MBD5: variants seen among roughly 807,000 people sequenced by gnomAD.
MBD5 encodes methyl-CpG binding domain protein 5.
MBD5 carries 13 observed loss-of-function variants against 117.3 expected under a neutral mutation model. The observed-to-expected ratio is 0.11, with a 90% CI of 0.07 to 0.18. The LOEUF is 0.18. Ranked by LOEUF, MBD5 falls within the 10% of genes least tolerant of loss-of-function variation. The probability of loss-of-function intolerance (pLI) is 1.00; values close to 1 mark genes in which losing one functional copy is unlikely to be tolerated. For synonymous variants in MBD5, 727 were observed against 766.4 expected (o/e 0.95, Z 0.85); for missense variants, 1,879 against 2,093.8 (o/e 0.90, Z 2.00).
rs114732631 is a variant in MBD5 at position 148,408,983 on chromosome 2, T to C, written c.-556-49220T>C. Among the ~76,000 whole-genome samples the C allele has an allele frequency of 8.5e-3, 1,296 of 152,266 alleles. 23 individuals carry two copies. The highest frequency in any genetic ancestry group is 0.03 in the African/African-American group (1,249 of 41,554). On this transcript the variant is annotated intron_variant, in intron 4 of 13. Transcript: ENST00000642680. ...TAGGCAAATACTATGTAATTTTATG[T>C]CAGGGACTTGAGCAGCCATGGATTT...
At chr2:148,377,234 G>C (rs192558648) in intron 4 of MBD5, among the ~76,000 whole-genome samples, 107 of 152,156 alleles carry the variant, frequency 7.0e-4, no homozygotes, top group African/African-American at 2.4e-3. Flanking sequence ...AAGGATGTAG[G>C]CTGGGAGGCT....
At chr2:148,241,599 GC>G (rs550691275) in intron 3 of MBD5, among the ~76,000 whole-genome samples, 15 of 151,596 alleles carry the variant, frequency 9.9e-5, no homozygotes, top group Admixed American at 3.3e-4. Context: ...TCCTTTCTGG[GC>G]CCCCCCTCCC....
intron 1 of MBD5, among the ~76,000 whole-genome samples, chr2:148,073,530 A>C (rs1695415577): frequency 1.3e-5 from 2 of 152,184 alleles, no homozygotes; most frequent in Non-Finnish European, 2.9e-5. Flanking sequence ...GGATTATTTA[A>C]CTATATATGG....
chr2:148,482,241 G>C (rs987591276), intron 8 of MBD5, among the ~76,000 whole-genome samples: 1 of 152,036 alleles, frequency 6.6e-6, no homozygotes, highest in Non-Finnish European at 1.5e-5. Context: ...AGGTGAACTG[G>C]CAAAGAAGTG....
intron 3 of MBD5, among the ~76,000 whole-genome samples, chr2:148,235,616 C>G (rs1302293587): frequency 6.6e-6 from 1 of 152,064 alleles, no homozygotes; most frequent in Non-Finnish European, 1.5e-5. Flanking sequence ...ACAGGCATAC[C>G]TCAGAGATAT....
intron 3 of MBD5, among the ~76,000 whole-genome samples, chr2:148,287,007 T>G (rs1051740770): frequency 2.0e-5 from 3 of 152,204 alleles, no homozygotes; most frequent in African/African-American, 7.2e-5. Context: ...TTGCCCTTAT[T>G]GTTTAACTTT....
chr2:148,101,816 G>A (rs1305231279), intron 1 of MBD5, among the ~76,000 whole-genome samples: 4 of 152,044 alleles, frequency 2.6e-5, no homozygotes, highest in Non-Finnish European at 2.9e-5. Flanking sequence ...TTACACTTCT[G>A]TTTGTTTTGT....
chr2:148,170,479 ACTGT>A (rs1698238592), intron 1 of MBD5, among the ~76,000 whole-genome samples: 1 of 152,174 alleles, frequency 6.6e-6, no homozygotes, highest in South Asian at 2.1e-4. Context: ...TAATTCATTG[ACTGT>A]TTGATTTCTG....
chr2:148,272,554 A>T (rs1247211594), intron 3 of MBD5, among the ~76,000 whole-genome samples: 1 of 152,144 alleles, frequency 6.6e-6, no homozygotes, highest in Non-Finnish European at 1.5e-5. Flanking sequence ...GCATTTTTCC[A>T]TATACCTATT....
chr2:148,208,910 A>G (rs940442061), intron 2 of MBD5, among the ~76,000 whole-genome samples: 2 of 152,174 alleles, frequency 1.3e-5, no homozygotes, highest in Non-Finnish European at 2.9e-5. Flanking sequence ...AATTTATTTG[A>G]AGCAAATTGT....
At chr2:148,402,261 A>G (rs576150192) in intron 4 of MBD5, among the ~76,000 whole-genome samples, 1 of 152,232 alleles carries the variant, frequency 6.6e-6, no homozygotes, top group South Asian at 2.1e-4. Context: ...GCCTGCTATA[A>G]TTATTACTAG....
intron 4 of MBD5, among the ~76,000 whole-genome samples, chr2:148,452,234 A>T (rs1357872332): frequency 6.6e-6 from 1 of 152,166 alleles, no homozygotes; most frequent in African/African-American, 2.4e-5. Flanking sequence ...GGTGGCTCGC[A>T]CTTGTAATCC....
At chr2:148,325,541 A>G (rs1013984865) in intron 3 of MBD5, among the ~76,000 whole-genome samples, 4 of 152,158 alleles carry the variant, frequency 2.6e-5, no homozygotes, top group Admixed American at 2.0e-4. Flanking sequence ...CAGAGATTCA[A>G]CTTCTTCCTG....
intron 3 of MBD5, among the ~76,000 whole-genome samples, chr2:148,316,553 C>T (rs142064594): frequency 5.5e-4 from 83 of 152,166 alleles, no homozygotes; most frequent in Non-Finnish European, 9.1e-4. Flanking sequence ...TAGACCCATT[C>T]AGTGACTCAA....
chr2:148,024,802 T>C (rs1315226635), intron 1 of MBD5, among the ~76,000 whole-genome samples: 1 of 152,170 alleles, frequency 6.6e-6, no homozygotes, highest in Admixed American at 6.5e-5. Context: ...TCCAACACAT[T>C]CCAGTTAAAA....
chr2:148,326,449 C>T (rs1476042800), intron 3 of MBD5, among the ~76,000 whole-genome samples: 1 of 152,056 alleles, frequency 6.6e-6, no homozygotes, highest in Admixed American at 6.5e-5. Context: ...TAAAATCTCC[C>T]ATTATTAATG....
chr2:148,227,429 C>A (rs1036981821), intron 2 of MBD5, among the ~76,000 whole-genome samples: 1 of 151,958 alleles, frequency 6.6e-6, no homozygotes, highest in African/African-American at 2.4e-5. Context: ...GTTGTAGATA[C>A]GCGGCATTAT....
chr2:148,314,180 T>G (rs1702100812), intron 3 of MBD5, among the ~76,000 whole-genome samples: 1 of 151,914 alleles, frequency 6.6e-6, no homozygotes, highest in South Asian at 2.1e-4. Flanking sequence ...AAACTGTCTG[T>G]CATAGATCAG....
intron 1 of MBD5, among the ~76,000 whole-genome samples, chr2:148,047,051 A>T (rs904712307): frequency 6.6e-6 from 1 of 152,112 alleles, no homozygotes; most frequent in Admixed American, 6.5e-5. Context: ...CTTTATTCAC[A>T]TGCTGTCTTT....
Sources: allele counts gnomAD v4.1 joint callset (sites outside exome capture counted in the v4.1 genomes callset), GRCh38; gene constraint gnomAD v4.1.1; transcripts MANE v1.5; gene names NCBI Gene and HGNC (gene_info 2026-07-23, HGNC 2026-07-21).